TMEM266: variants seen among roughly 807,000 people sequenced by gnomAD.
The protein encoded by TMEM266 is transmembrane protein 266, also known as Hv1 related protein 1.
A neutral mutation model predicts 50.5 loss-of-function variants in TMEM266; 33 were observed. That is an observed-to-expected ratio of 0.65 (90% CI 0.50 to 0.87). The LOEUF is 0.87. Among genes scored for constraint, TMEM266 ranks in the 40% least tolerant of loss-of-function variants. The pLI, the probability that TMEM266 is intolerant of heterozygous loss-of-function variation, is 0.00. For synonymous variants in TMEM266, 310 were observed against 292.3 expected, an observed-to-expected ratio of 1.06 and a Z score of -0.62; for missense variants, 655 against 695.1, an observed-to-expected ratio of 0.94 and a Z score of 0.65.
In TMEM266 at chr15:76,160,159, C is replaced by T; in HGVS notation, c.447C>T (p.Phe149=). The T allele has an allele frequency of 1.2e-6, 2 of 1,614,084 alleles. No individual in the cohort carries two copies. Among genetic ancestry groups the T allele is most frequent in the Non-Finnish European group, 1.7e-6 (2 of 1,179,904 alleles). The change falls in exon 5 of 11, where the codon TTC becomes TTT. Residue 149 remains phenylalanine, a synonymous_variant. Coordinates refer to ENST00000388942, the MANE Select transcript of TMEM266 (RefSeq NM_152335.3). This position sits in a 1 kb window ranked among gnomAD's most constrained non-coding sequence, Gnocchi z 5.7. ...TCAGCCTGGTCATTCTGTCCGTGTT[C>T]TTCTCAGAGGTAGGTGGAGACTCTG...
rs751784075 is a variant in TMEM266 at position 76,204,021 on chromosome 15, G to T, written c.1302G>T (p.Gln434His). 5.0e-6 allele frequency: 8 copies of T among 1,609,664 alleles called. No individual in the cohort carries two copies. The African/African-American group carries it at 9.4e-5, about 19-fold the overall frequency. Residue 434 changes from glutamine (Q) to histidine (H), a missense_variant, in exon 11 of 11, where the codon CAG (glutamine) becomes CAT (histidine). Around this residue, in one of 3 missense-constraint regions of TMEM266, gnomAD observed 455 missense variants for 401.8 expected, o/e 1.13. Coordinates refer to ENST00000388942, the MANE Select transcript of TMEM266 (RefSeq NM_152335.3). ...CCCCGCCGCTGCCATCCCAGCAGCA[G>T]GTGGAGGAGGCCACAGTCCAGGACC...
chr15:76,191,679 C>A (rs935558546), intron 8 of TMEM266: 20 of 371,808 alleles, frequency 5.4e-5, no homozygotes, highest in African/African-American at 3.8e-4. Context: ...AGTGGCCTTT[C>A]CACAAAGGAA....
chr15:76,191,450 C>T (rs566156839), intron 8 of TMEM266: 1 of 152,472 alleles, frequency 6.6e-6, no homozygotes, highest in African/African-American at 2.4e-5. Flanking sequence ...CTGAATCGGT[C>T]TGGTCCTGGG....
intron 8 of TMEM266, among the ~76,000 whole-genome samples, chr15:76,185,340 T>C (rs935783178): frequency 6.6e-6 from 1 of 152,204 alleles, no homozygotes; most frequent in Non-Finnish European, 1.5e-5. Flanking sequence ...CCTTTTTTAA[T>C]GGCTGTAAGT....
At chr15:76,078,955 A>G (rs973962298) in intron 1 of TMEM266, among the ~76,000 whole-genome samples, 2 of 152,016 alleles carry the variant, frequency 1.3e-5, no homozygotes, top group Non-Finnish European at 2.9e-5. Context: ...CATAAATCCA[A>G]TCTCTGTCTC....
chr15:76,147,127 G>A (rs992533507), intron 3 of TMEM266, among the ~76,000 whole-genome samples: 4 of 152,198 alleles, frequency 2.6e-5, no homozygotes, highest in Admixed American at 2.6e-4. Flanking sequence ...CTGTGGAGTC[G>A]AGGAAGAGCT....
chr15:76,167,156 A>T (rs1487531086), intron 5 of TMEM266, among the ~76,000 whole-genome samples: 2 of 152,268 alleles, frequency 1.3e-5, no homozygotes, highest in East Asian at 3.9e-4. Context: ...CAGCACAATT[A>T]CAGGGGTTGG....
intron 1 of TMEM266, among the ~76,000 whole-genome samples, chr15:76,074,675 C>G (rs990256232): frequency 6.6e-6 from 1 of 151,882 alleles, no homozygotes; most frequent in South Asian, 2.1e-4. Flanking sequence ...ATTGGGACAC[C>G]TTGGAGTATT....
intron 3 of TMEM266, among the ~76,000 whole-genome samples, chr15:76,154,481 C>T (rs958069425): frequency 6.6e-6 from 1 of 152,062 alleles, no homozygotes; most frequent in African/African-American, 2.4e-5. Context: ...CATCTGGCCC[C>T]CACAGACCAT....
intron 8 of TMEM266, among the ~76,000 whole-genome samples, chr15:76,186,094 T>C (rs1433228356): frequency 6.6e-6 from 1 of 152,190 alleles, no homozygotes; most frequent in East Asian, 1.9e-4. Context: ...ACTTCCATCT[T>C]GCTTATAAGG....
chr15:76,199,523 C>G (rs2038706995), intron 9 of TMEM266, among the ~76,000 whole-genome samples: 2 of 146,418 alleles, frequency 1.4e-5, no homozygotes, highest in African/African-American at 5.0e-5. Flanking sequence ...CTGGCCTCAG[C>G]TCCTGCAGAG....
At chr15:76,191,525 C>CATTAAAAAA in intron 8 of TMEM266, 1 of 154,148 alleles carries the variant, frequency 6.5e-6, no homozygotes. Context: ...GGATGGGGTC[C>CATTAAAAAA]CCCAGGCTGG....
At chr15:76,196,908 T>C (rs1038353854) in intron 9 of TMEM266, among the ~76,000 whole-genome samples, 1 of 152,234 alleles carries the variant, frequency 6.6e-6, no homozygotes, top group African/African-American at 2.4e-5. Flanking sequence ...ACAGTGCCCC[T>C]GTGTAGTCAT....
chr15:76,122,626 T>C (rs1297314072), intron 1 of TMEM266, among the ~76,000 whole-genome samples: 2 of 152,168 alleles, frequency 1.3e-5, no homozygotes, highest in African/African-American at 4.8e-5. Context: ...AAGATTTGCT[T>C]GATTGAAGGA....
At chr15:76,134,510 T>A (rs2037561190) in intron 2 of TMEM266, among the ~76,000 whole-genome samples, 1 of 152,240 alleles carries the variant, frequency 6.6e-6, no homozygotes, top group African/African-American at 2.4e-5. Context: ...CAAGGAAATT[T>A]AGAAATCTGA....
Position 76,202,259 on chromosome 15 carries a change from G to A in TMEM266, c.1016G>A (p.Ser339Asn). The change falls in exon 10 of 11, where the codon AGC becomes AAC. Residue 339 changes from serine to asparagine, a missense_variant. Around this residue, in one of 3 missense-constraint regions of TMEM266, gnomAD observed 455 missense variants for 401.8 expected, o/e 1.13. Coordinates refer to ENST00000388942, the MANE Select transcript of TMEM266 (RefSeq NM_152335.3). ...ATCAGTCAGTATTACAATGGGCCCA[G>A]CAGTGGTAAGTCTGGGTTGGGGCTG... 2 of 1,613,620 alleles carry A rather than the reference G, an allele frequency of 1.2e-6. No individual in the cohort carries two copies. The highest frequency in any genetic ancestry group is 2.2e-5 in the South Asian group (2 of 91,020).
At chr15:76,102,860 A>C (rs981841671) in intron 1 of TMEM266, among the ~76,000 whole-genome samples, 2 of 150,280 alleles carry the variant, frequency 1.3e-5, no homozygotes, top group Admixed American at 6.6e-5. Context: ...AAAAAAAAAA[A>C]CGGAGTCAGT....
intron 1 of TMEM266, among the ~76,000 whole-genome samples, chr15:76,100,801 A>G (rs2036989297): frequency 6.6e-6 from 1 of 152,222 alleles, no homozygotes; most frequent in South Asian, 2.1e-4. Flanking sequence ...CAGAATATCA[A>G]CACTGAAATG....
chr15:76,173,337 G>A (rs959932877), intron 7 of TMEM266, among the ~76,000 whole-genome samples: 1 of 152,212 alleles, frequency 6.6e-6, no homozygotes, highest in African/African-American at 2.4e-5. Flanking sequence ...ATGTGACCGA[G>A]GCTTCTGAAG....
Sources: allele counts gnomAD v4.1 joint callset (sites outside exome capture counted in the v4.1 genomes callset), GRCh38; gene constraint gnomAD v4.1.1; regional missense constraint gnomAD v4.1.1; non-coding constraint Gnocchi (gnomAD v3.1); transcripts MANE v1.5; gene names NCBI Gene and HGNC (gene_info 2026-07-23, HGNC 2026-07-21).